TMCO4: variants seen among roughly 807,000 people sequenced by gnomAD.
TMCO4 encodes transmembrane and coiled-coil domain-containing protein 4.
In TMCO4, 58 loss-of-function variants were observed where a neutral mutation model predicts 64.7. That is an observed-to-expected ratio of 0.90 (90% confidence interval 0.73 to 1.12). The LOEUF (loss-of-function observed/expected upper bound fraction) is 1.12, where lower values mean the gene tolerates loss of function less well. Among genes scored for constraint, TMCO4 ranks in the 50% most tolerant of loss-of-function variants. The pLI is 0.00. For synonymous variants in TMCO4, 325 were observed against 346.1 expected (o/e 0.94, Z 0.68); for missense variants, 780 against 825.9 (o/e 0.94, Z 0.68).
chr1:19,705,228 A>G (rs995799646), intron 13 of TMCO4, among the ~76,000 whole-genome samples: 4 of 152,152 alleles, frequency 2.6e-5, no homozygotes, highest in African/African-American at 9.7e-5. Flanking sequence ...AGGCGGATGG[A>G]TCACCTGAGG....
chr1:19,739,996 CT>C (rs753350080), intron 11 of TMCO4, 36 bp from the exon 12 acceptor site: 1 of 1,598,356 alleles, frequency 6.3e-7, no homozygotes, highest in South Asian at 1.1e-5. Context: ...GGAATGGCCC[CT>C]GTCCTAGGGT....
rs1370106685 is a variant in TMCO4 at position 19,691,990 on chromosome 1, C to T, written c.1500+2444G>A. 2.6e-5 allele frequency among the ~76,000 whole-genome samples: 4 copies of T among 152,308 alleles called. No individual in the cohort carries two copies. In the South Asian group the frequency reaches 8.3e-4, roughly 32 times the overall value. On this transcript the variant is annotated intron_variant, in intron 15 of 15. Coordinates refer to ENST00000294543, the MANE Select transcript of TMCO4 (RefSeq NM_181719.7). ...TGTAAGACGTGCCTTTCACCTTCCGCCATGATTGTGAGGCCTCCCCAGCCA... is the reference window on the plus strand; with the variant it reads ...TGTAAGACGTGCCTTTCACCTTCCGTCATGATTGTGAGGCCTCCCCAGCCA...
At chr1:19,724,236 T>A (rs2095398973) in intron 13 of TMCO4, among the ~76,000 whole-genome samples, 1 of 152,180 alleles carries the variant, frequency 6.6e-6, no homozygotes, top group South Asian at 2.1e-4. Context: ...TCCATTTGGA[T>A]AAACTAATGG....
intron 4 of TMCO4, among the ~76,000 whole-genome samples, chr1:19,772,380 A>C (rs1015338511): frequency 8.5e-5 from 13 of 152,116 alleles, no homozygotes; most frequent in Non-Finnish European, 1.8e-4. Context: ...GTGCACTGCC[A>C]CCGCCAGTCT....
intron 12 of TMCO4, among the ~76,000 whole-genome samples, chr1:19,738,018 G>A (rs1158073370): frequency 6.6e-6 from 1 of 152,248 alleles, no homozygotes; most frequent in African/African-American, 2.4e-5. Flanking sequence ...TCTGACTCAA[G>A]GACTTGTAAG....
intron 14 of TMCO4, among the ~76,000 whole-genome samples, chr1:19,699,102 A>G (rs563318716): frequency 1.8e-4 from 27 of 152,150 alleles, no homozygotes; most frequent in African/African-American, 6.5e-4. Flanking sequence ...AGGCTGAGGC[A>G]GGAGAATGGC....
chr1:19,769,335 C>T (rs1266439), intron 6 of TMCO4, among the ~76,000 whole-genome samples: 16,210 of 152,232 alleles, frequency 0.11, 1,083 homozygotes, highest in East Asian at 0.27. Flanking sequence ...TCTCTCTGCT[C>T]TCCTTGCTGA....
intron 1 of TMCO4, among the ~76,000 whole-genome samples, 188 bp from the exon 2 acceptor site, chr1:19,798,403 C>G (rs1367313745): frequency 6.6e-6 from 1 of 152,306 alleles, no homozygotes; most frequent in Non-Finnish European, 1.5e-5. Context: ...GAGCTACATG[C>G]TGAGCTATGA....
chr1:19,703,180 T>C (rs1235392785), intron 13 of TMCO4, among the ~76,000 whole-genome samples: 1 of 152,194 alleles, frequency 6.6e-6, no homozygotes, highest in Non-Finnish European at 1.5e-5. Context: ...GGAAAACCAG[T>C]TTACAGGCTT....
Position 19,682,541 on chromosome 1 carries a change from C to A in TMCO4, c.*499G>T. 1 of 709,440 alleles carries A rather than the reference C, an allele frequency of 1.4e-6. No individual in the cohort carries two copies. The highest frequency in any genetic ancestry group is 2.6e-6 in the Non-Finnish European group (1 of 380,750). 43.9% of individuals were successfully genotyped at this position (709,440 alleles called of 1,614,324 possible). On this transcript the variant is annotated 3_prime_UTR_variant, in exon 16 of 16. Coordinates refer to ENST00000294543, the MANE Select transcript of TMCO4 (RefSeq NM_181719.7). Reference sequence around the variant, plus strand: ...GAGTGAGCTGCCTTCTTTGTACCTGCGCCTGCTCTGTTGCTGCCAGTTGAT... The same window carrying A: ...GAGTGAGCTGCCTTCTTTGTACCTGAGCCTGCTCTGTTGCTGCCAGTTGAT...
chr1:19,694,262 G>A (rs777503113), intron 15 of TMCO4, among the ~76,000 whole-genome samples, 172 bp downstream of exon 15: 1 of 152,198 alleles, frequency 6.6e-6, no homozygotes, highest in African/African-American at 2.4e-5. Flanking sequence ...TGGGCCTCCC[G>A]AAGTGCCGGG....
chr1:19,793,802 G>C (rs995043313), intron 2 of TMCO4, among the ~76,000 whole-genome samples: 2 of 152,142 alleles, frequency 1.3e-5, no homozygotes, highest in African/African-American at 4.8e-5. Context: ...ATTTACCACT[G>C]CTCTCTTCCT....
chr1:19,717,445 T>C (rs990814940), intron 13 of TMCO4, among the ~76,000 whole-genome samples: 1 of 152,170 alleles, frequency 6.6e-6, no homozygotes, highest in African/African-American at 2.4e-5. Flanking sequence ...ATTAACTACA[T>C]CAAGTGAAAA....
At chr1:19,744,973 T>C (rs1430813920) in intron 10 of TMCO4, among the ~76,000 whole-genome samples, 1 of 151,724 alleles carries the variant, frequency 6.6e-6, no homozygotes, top group Non-Finnish European at 1.5e-5. Flanking sequence ...TAAATACCGC[T>C]ACATGGACAG....
chr1:19,718,164 C>G (rs1011175629), intron 13 of TMCO4, among the ~76,000 whole-genome samples: 31 of 151,896 alleles, frequency 2.0e-4, no homozygotes, highest in Admixed American at 1.4e-3. Flanking sequence ...GAAACCCCGT[C>G]TCTACTAAAA....
At position 19,781,837 on chromosome 1, in the gene TMCO4, G is replaced by A. The variant is rs61768338; in HGVS notation, c.-8-1071C>T. ...AACTTTTTGTATTTTTAGTAGAGAC[G>A]GGGTTTCACTGTGTTAGCCAGGATG... On this transcript the variant is annotated intron_variant, in intron 3 of 15. Coordinates refer to ENST00000294543, the MANE Select transcript of TMCO4 (RefSeq NM_181719.7). Among the ~76,000 whole-genome samples the A allele has an allele frequency of 5.9e-5, 9 of 151,964 alleles. No homozygotes were observed. The East Asian group carries it at 9.7e-4, about 16-fold the overall frequency.
At chr1:19,737,335 TGAAGGGTTTC>T in intron 13 of TMCO4, 27 bp downstream of exon 13, 6 of 1,591,616 alleles carry the variant, frequency 3.8e-6, no homozygotes, top group Non-Finnish European at 5.2e-6. Context: ...AACAAGCTTG[TGAAGGGTTTC>T]CGTCTGTGAC....
chr1:19,795,418 G>A (rs1439808677), intron 2 of TMCO4, among the ~76,000 whole-genome samples: 1 of 152,182 alleles, frequency 6.6e-6, no homozygotes, highest in Non-Finnish European at 1.5e-5. Context: ...GTTGCAGTGA[G>A]CCGAGATTGC....
intron 6 of TMCO4, among the ~76,000 whole-genome samples, chr1:19,764,132 G>A (rs993352342): frequency 4.6e-5 from 7 of 152,284 alleles, no homozygotes; most frequent in East Asian, 1.9e-4. Context: ...ATGGGCACCC[G>A]CCCTTCATTC....
Sources: allele counts gnomAD v4.1 joint callset (sites outside exome capture counted in the v4.1 genomes callset), GRCh38; gene constraint gnomAD v4.1.1; transcripts MANE v1.5; gene names NCBI Gene and HGNC (gene_info 2026-07-23, HGNC 2026-07-21).